The following ACP7 variants were observed in gnomAD, a reference collection of about 807,000 sequenced individuals.
ACP7 encodes acid phosphatase 7, tartrate resistant (putative).
A neutral mutation model predicts 60.6 loss-of-function variants in ACP7; 58 were observed. The ratio of observed to expected loss-of-function variants is 0.96; its 90% CI spans 0.77 to 1.19. The LOEUF (loss-of-function observed/expected upper bound fraction) is 1.19. Ranked by LOEUF, ACP7 falls within the 50% of genes most tolerant of loss-of-function variation. ACP7 has a pLI of 0.00. For missense variants in ACP7, 574 were observed against 596.2 expected, an observed-to-expected ratio of 0.96 and a Z score of 0.39; for synonymous variants, 237 against 232.6, an observed-to-expected ratio of 1.02 and a Z score of -0.17.
chr19:39,097,936 T>A (rs1429617907), intron 2 of ACP7, among the ~76,000 whole-genome samples: 1 of 151,548 alleles, frequency 6.6e-6, no homozygotes, highest in Non-Finnish European at 1.5e-5. Flanking sequence ...CTCAGAGAGG[T>A]GAAGTGATGT....
Position 39,099,091 on chromosome 19 carries a change from C to CGGCT in ACP7, c.456_459dup (p.Arg154AlafsTer11). The CGGCT allele has an allele frequency of 6.2e-7, 1 of 1,601,256 alleles. No homozygotes were observed. Among genetic ancestry groups the CGGCT allele is most frequent in the Non-Finnish European group, 8.5e-7 (1 of 1,174,784 alleles). ...GGCTGACAACCCGAAGGCCGTCCCC[C>CGGCT]GGCTGCGCAGGGACACCCAGCAGGG... On this transcript the variant is annotated frameshift_variant, in exon 4 of 13. Transcript: ENST00000331256. LOFTEE classifies it high-confidence loss of function.
intron 11 of ACP7, among the ~76,000 whole-genome samples, chr19:39,102,715 T>TTACTTAC (rs1555769415): frequency 4.2e-5 from 5 of 118,616 alleles, no homozygotes; most frequent in Admixed American, 2.6e-4. Flanking sequence ...CAATGAAGAC[T>TTACTTAC]TTTCTTTCTT....
chr19:39,093,079 C>A (rs948197480), intron 2 of ACP7, among the ~76,000 whole-genome samples: 2 of 139,016 alleles, frequency 1.4e-5, no homozygotes, highest in African/African-American at 5.4e-5. Context: ...CGCCTGGCCC[C>A]CGTTTCTTTC....
intron 12 of ACP7, 117 bp from the exon 13 acceptor site, chr19:39,109,936 C>T (rs1381001802): frequency 2.0e-6 from 2 of 997,550 alleles, no homozygotes; most frequent in Non-Finnish European, 1.5e-6. Context: ...GGCCTAGCCA[C>T]TTGCTCAGGG....
At chr19:39,098,909 GA>G in intron 3 of ACP7, 50 bp from the exon 4 acceptor site, 1 of 1,030,970 alleles carries the variant, frequency 9.7e-7, no homozygotes. Flanking sequence ...GGGTTGGAGG[GA>G]GGGTCCCGGG....
intron 12 of ACP7, among the ~76,000 whole-genome samples, chr19:39,107,813 G>A (rs910753733): frequency 2.0e-5 from 3 of 152,024 alleles, no homozygotes; most frequent in Non-Finnish European, 4.4e-5. Context: ...TTAAATCTGG[G>A]AGGTGAAGTT....
chr19:39,107,199 C>A, intron 12 of ACP7, 115 bp downstream of exon 12: 1 of 1,158,062 alleles, frequency 8.6e-7, no homozygotes, highest in East Asian at 3.0e-5. Flanking sequence ...GCAACACCTG[C>A]AATTTGGTGG....
intron 4 of ACP7, 56 bp downstream of exon 4, chr19:39,099,198 T>TG (rs1448049069): frequency 7.6e-7 from 1 of 1,321,464 alleles, no homozygotes; most frequent in African/African-American, 1.7e-5. Context: ...GCAGGGATGG[T>TG]GGGGGGCGCG....
chr19:39,086,094 C>T (rs1018401446), intron 2 of ACP7, among the ~76,000 whole-genome samples: 3 of 152,116 alleles, frequency 2.0e-5, no homozygotes, highest in African/African-American at 4.8e-5. Context: ...GAGGCTGAGG[C>T]GGAAGGATCA....
intron 2 of ACP7, among the ~76,000 whole-genome samples, chr19:39,095,263 A>G (rs1428727557): frequency 6.6e-6 from 1 of 152,238 alleles, no homozygotes; most frequent in Non-Finnish European, 1.5e-5. Flanking sequence ...TGAGCCTGTA[A>G]AATCAAAAGC....
chr19:39,107,023 A>G lies in ACP7; in HGVS notation c.1190A>G (p.Tyr397Cys). The change falls in exon 12 of 13, where the codon TAT (tyrosine) becomes TGT (cysteine). Residue 397 changes from tyrosine (Y) to cysteine (C), a missense_variant. Tyr to Cys is a radical substitution (Grantham distance 194). Coordinates refer to ENST00000331256, the MANE Select transcript of ACP7 (RefSeq NM_001004318.3). ...GCCGTGCGTGTGAAGGAGTACGGGT[A>G]TACGCGGCTGCACATCCTCAACGGG... ...WSAVRVKEYG[Y>C]TRLHILNGTH... 6.2e-7 allele frequency: 1 copy of G among 1,614,086 alleles called. No homozygotes were observed. The highest frequency in any genetic ancestry group is 1.1e-5 in the South Asian group (1 of 91,082).
chr19:39,106,828 T>C (rs2073415563), intron 11 of ACP7, 119 bp from the exon 12 acceptor site: 7 of 1,287,372 alleles, frequency 5.4e-6, no homozygotes, highest in Admixed American at 2.0e-5. Flanking sequence ...CCGGCCTCTA[T>C]GGTGGTCAAG....
intron 11 of ACP7, among the ~76,000 whole-genome samples, chr19:39,102,539 G>C (rs535385518): frequency 9.9e-5 from 15 of 152,042 alleles, no homozygotes; most frequent in Admixed American, 9.2e-4. Context: ...TGGCCAGGCT[G>C]GTCTCAAACT....
chr19:39,103,524 T>C (rs2073380779), intron 11 of ACP7, among the ~76,000 whole-genome samples: 1 of 151,260 alleles, frequency 6.6e-6, no homozygotes, highest in Non-Finnish European at 1.5e-5. Context: ...TTTAATTTTT[T>C]AATTTAATTT....
chr19:39,102,765 T>C (rs796164818), intron 11 of ACP7, among the ~76,000 whole-genome samples: 1,799 of 107,342 alleles, frequency 0.017, 19 homozygotes, highest in Middle Eastern at 0.035. Context: ...CTTTCTTTCT[T>C]TCTCTCTCTC....
chr19:39,090,812 T>C (rs1013284494), intron 2 of ACP7, among the ~76,000 whole-genome samples: 12 of 149,376 alleles, frequency 8.0e-5, no homozygotes, highest in Admixed American at 7.4e-4. Flanking sequence ...TTTTTTGGTC[T>C]ATTGTTCCTA....
chr19:39,086,833 C>T lies in ACP7; in HGVS notation c.121+1443C>T, dbSNP rs376373009. 4.4e-3 allele frequency among the ~76,000 whole-genome samples: 663 copies of T among 152,058 alleles called. 9 individuals carry two copies. Among genetic ancestry groups the T allele is most frequent in the African/African-American group, 0.015 (637 of 41,478 alleles). On this transcript the variant is annotated intron_variant, in intron 2 of 12. Coordinates refer to ENST00000331256, the MANE Select transcript of ACP7 (RefSeq NM_001004318.3). ...TGTGCATTACAGCTAGCAATATTTA[C>T]TAAATAAGGTATTAAAACTGAGGCA... is the stretch of plus-strand genomic sequence containing the variant.
At chr19:39,096,019 T>C (rs1424094596) in intron 2 of ACP7, among the ~76,000 whole-genome samples, 2 of 152,178 alleles carry the variant, frequency 1.3e-5, no homozygotes, top group East Asian at 1.9e-4. Context: ...AACCATTTTT[T>C]CCTCCTAGAC....
intron 2 of ACP7, among the ~76,000 whole-genome samples, chr19:39,088,934 A>ATT (rs112131941): frequency 1.5e-5 from 2 of 133,026 alleles, no homozygotes; most frequent in African/African-American, 2.8e-5. Flanking sequence ...GTATTTTTGC[A>ATT]TTTTTTTTTT....
Sources: gnomAD v4.1 joint callset for allele counts (sites outside exome capture counted in the v4.1 genomes callset) on GRCh38, gnomAD v4.1.1 for gene constraint, MANE v1.5 for transcripts, NCBI Gene and HGNC (gene_info 2026-07-23, HGNC 2026-07-21) for gene names.